Variants in RRN3 observed in about 807,000 individuals in gnomAD.
The protein encoded by RRN3 is RNA polymerase I transcription factor RRN3.
In RRN3, 38 loss-of-function variants were observed where a neutral mutation model predicts 82.3. The ratio of observed to expected loss-of-function variants is 0.46; its 90% CI spans 0.36 to 0.61. RRN3 has a LOEUF of 0.61. Ranked by LOEUF, RRN3 falls within the 20% of genes least tolerant of loss-of-function variation. The pLI, the probability that RRN3 is intolerant of heterozygous loss-of-function variation, is 0.00. For missense variants in RRN3, 726 were observed against 793.1 expected (o/e 0.92, Z 1.02); for synonymous variants, 284 against 284.3 (o/e 1.00, Z 0.01).
intron 17 of RRN3, among the ~76,000 whole-genome samples, chr16:15,062,118 C>T (rs1169134275): frequency 1.3e-5 from 2 of 152,212 alleles, no homozygotes; most frequent in Non-Finnish European, 2.9e-5. Flanking sequence ...GTTCCGAATC[C>T]AGCCTGGGCA....
At chr16:15,088,084 C>T (rs990112726) in intron 3 of RRN3, among the ~76,000 whole-genome samples, 1 of 151,860 alleles carries the variant, frequency 6.6e-6, no homozygotes, top group Admixed American at 6.6e-5. Context: ...CCACTGCACT[C>T]CAGCCTGGGC....
chr16:15,093,993 A>G (rs1183860549), intron 1 of RRN3, 152 bp downstream of exon 1: 1 of 698,304 alleles, frequency 1.4e-6, no homozygotes, highest in East Asian at 2.8e-5. Flanking sequence ...GTTAGGAGGA[A>G]TGAGCTCATT....
intron 5 of RRN3, 140 bp from the exon 6 acceptor site, chr16:15,085,838 A>G: frequency 7.8e-7 from 1 of 1,281,644 alleles, no homozygotes; most frequent in Non-Finnish European, 1.1e-6. Context: ...CCCAATGATT[A>G]ATTAAACGCA....
chr16:15,072,430 C>T (rs1350213725), intron 12 of RRN3, among the ~76,000 whole-genome samples: 1 of 152,072 alleles, frequency 6.6e-6, no homozygotes, highest in Non-Finnish European at 1.5e-5. Flanking sequence ...CACCTAGTGA[C>T]CAAAAGGCAG....
rs749005064 is a variant in RRN3, at chr16:15,060,261, T to C, written c.*1483A>G. Reference sequence around the variant, plus strand: ...TTTATCTAATATTAAAAAATCAACATTTTGCCAGCAGTTAAAAAGACAACC... The same window carrying C: ...TTTATCTAATATTAAAAAATCAACACTTTGCCAGCAGTTAAAAAGACAACC... On this transcript the variant is annotated 3_prime_UTR_variant, in exon 18 of 18. Coordinates refer to ENST00000198767, the MANE Select transcript of RRN3 (RefSeq NM_018427.5). 4 of 325,284 alleles carry C rather than the reference T, an allele frequency of 1.2e-5. No homozygotes were observed. Among genetic ancestry groups the C allele is most frequent in the African/African-American group, 2.2e-5 (1 of 44,974 alleles). 20.1% of individuals were successfully genotyped at this position (325,284 alleles called of 1,614,324 possible). A position where few individuals can be genotyped will look rare whatever the true frequency, so the allele number is the denominator to read the frequency against.
chr16:15,068,474 A>AT (rs2045075504), intron 14 of RRN3, among the ~76,000 whole-genome samples, 197 bp from the exon 15 acceptor site: 1 of 152,206 alleles, frequency 6.6e-6, no homozygotes, highest in Admixed American at 6.5e-5. Context: ...AACCACATTC[A>AT]TTGGTCACCA....
Position 15,070,256 on chromosome 16 carries a change from T to C in RRN3, c.1260-2A>G, listed in dbSNP as rs751753072. 5.6e-6 allele frequency: 9 copies of C among 1,611,286 alleles called. No individual in the cohort carries two copies. The highest frequency in any genetic ancestry group is 2.7e-5 in the African/African-American group (2 of 74,586). On this transcript the variant is annotated splice_acceptor_variant, in intron 13 of 17. Coordinates refer to ENST00000198767, the MANE Select transcript of RRN3 (RefSeq NM_018427.5). LOFTEE classifies it high-confidence loss of function. Reference sequence around the variant, plus strand: ...AGATCTAGGCATGATTTTACAGTACTAGAGAAAAGAAAAATTCAAGTCAAC... The same window carrying C: ...AGATCTAGGCATGATTTTACAGTACCAGAGAAAAGAAAAATTCAAGTCAAC...
chr16:15,093,733 G>A (rs1258009988), intron 1 of RRN3, among the ~76,000 whole-genome samples: 3 of 152,350 alleles, frequency 2.0e-5, no homozygotes, highest in African/African-American at 7.2e-5. Context: ...AAATACGTGT[G>A]TCGAAACAAA....
chr16:15,077,883 T>C (rs2045533061), intron 9 of RRN3, among the ~76,000 whole-genome samples: 1 of 152,132 alleles, frequency 6.6e-6, no homozygotes, highest in Non-Finnish European at 1.5e-5. Flanking sequence ...CAGGCTCAGC[T>C]ATGTCTTTAT....
At chr16:15,082,058 G>T (rs1241877942) in intron 8 of RRN3, among the ~76,000 whole-genome samples, 1 of 152,318 alleles carries the variant, frequency 6.6e-6, no homozygotes, top group African/African-American at 2.4e-5. Flanking sequence ...CCTTGCAAAA[G>T]AGAGTTTACG....
chr16:15,076,462 T>C (rs1364401603), intron 10 of RRN3, 96 bp downstream of exon 10: 2 of 876,658 alleles, frequency 2.3e-6, no homozygotes, highest in African/African-American at 1.6e-5. Context: ...CTATTTTAAT[T>C]CTTTCAATCT....
intron 11 of RRN3, among the ~76,000 whole-genome samples, chr16:15,074,209 T>C (rs1427687195): frequency 6.6e-6 from 1 of 152,198 alleles, no homozygotes; most frequent in East Asian, 1.9e-4. Context: ...CAACTCAGAT[T>C]CCAGTTCTAT....
At position 15,061,724 on chromosome 16, in the gene RRN3, T is replaced by C. The variant is rs2044718595; in HGVS notation, c.*20A>G. The C allele has an allele frequency of 1.3e-6, 2 of 1,598,712 alleles. No individual in the cohort carries two copies. The highest frequency in any genetic ancestry group is 1.7e-6 in the Non-Finnish European group (2 of 1,167,650). ...GATGGGGAATCCCAAATGTCACATCTCAGTCACAAATTTCTGCCGTCAGAG... is the reference window on the plus strand; with the variant it reads ...GATGGGGAATCCCAAATGTCACATCCCAGTCACAAATTTCTGCCGTCAGAG... On this transcript the variant is annotated 3_prime_UTR_variant, in exon 18 of 18. Transcript: ENST00000198767.
At position 15,068,221 on chromosome 16, in the gene RRN3, G is replaced by C; in HGVS notation, c.1501C>G (p.Pro501Ala). The C allele has an allele frequency of 6.3e-7, 1 of 1,594,886 alleles. No individual in the cohort carries two copies. The highest frequency in any genetic ancestry group is 1.7e-5 in the Admixed American group (1 of 57,640). The change falls in exon 15 of 18, where the codon CCC becomes GCC. Residue 501 changes from proline to alanine, a missense_variant. By Grantham distance (27) the Pro-to-Ala change is conservative. Around this residue, in one of 4 missense-constraint regions of RRN3, gnomAD observed 81 missense variants for 156.4 expected, o/e 0.52. Coordinates refer to ENST00000198767, the MANE Select transcript of RRN3 (RefSeq NM_018427.5). ...ACTGAGGGCAGGCAAATCTTCAGGGGATTTAGCTGGCTCATCACTATCCGC... is the reference window on the plus strand; with the variant it reads ...ACTGAGGGCAGGCAAATCTTCAGGGCATTTAGCTGGCTCATCACTATCCGC... ...FERIVMSQLN[P>A]LKICLPSVVN... is the part of the protein sequence containing the mutation.
chr16:15,086,328 A>C, intron 4 of RRN3, 37 bp downstream of exon 4: 1 of 1,611,826 alleles, frequency 6.2e-7, no homozygotes, highest in Non-Finnish European at 8.5e-7. Flanking sequence ...AAAGTTCTGA[A>C]TTACATACTT....
chr16:15,066,092 G>T (rs2044957668), intron 15 of RRN3, among the ~76,000 whole-genome samples: 1 of 152,180 alleles, frequency 6.6e-6, no homozygotes, highest in Non-Finnish European at 1.5e-5. Flanking sequence ...CTCCATCTCA[G>T]GTTCTCAGGT....
chr16:15,069,702 T>C (rs2045140954), intron 14 of RRN3, among the ~76,000 whole-genome samples: 1 of 152,182 alleles, frequency 6.6e-6, no homozygotes, highest in Non-Finnish European at 1.5e-5. Context: ...TACCTGCCAT[T>C]TACTGGGCTG....
chr16:15,094,087 T>C (rs1426981663), intron 1 of RRN3, 58 bp downstream of exon 1: 10 of 1,472,588 alleles, frequency 6.8e-6, no homozygotes, highest in Admixed American at 3.9e-5. Flanking sequence ...TCCGCTCCTC[T>C]AAGCGCCGTC....
rs2044718851 is a variant in RRN3, at chr16:15,061,727, G to C, written c.*17C>G. The C allele has an allele frequency of 6.3e-7, 1 of 1,599,578 alleles. No homozygotes were observed. The highest frequency in any genetic ancestry group is 2.2e-5 in the East Asian group (1 of 44,460). ...GGGGAATCCCAAATGTCACATCTCA[G>C]TCACAAATTTCTGCCGTCAGAGGGG... On this transcript the variant is annotated 3_prime_UTR_variant, in exon 18 of 18. Transcript: ENST00000198767.
Sources: allele counts gnomAD v4.1 joint callset (sites outside exome capture counted in the v4.1 genomes callset), GRCh38; gene constraint gnomAD v4.1.1; regional missense constraint gnomAD v4.1.1; transcripts MANE v1.5; gene names NCBI Gene and HGNC (gene_info 2026-07-23, HGNC 2026-07-21).